NCKAP5: variants seen among roughly 807,000 people sequenced by gnomAD.
NCKAP5 encodes nck-associated protein 5.
In NCKAP5, 92 loss-of-function variants were observed where a neutral mutation model predicts 167.0. The observed-to-expected ratio is 0.55, with a 90% CI of 0.47 to 0.66. The LOEUF is 0.66. Among genes scored for constraint, NCKAP5 ranks in the 30% least tolerant of loss-of-function variants. The pLI is 0.00. For synonymous variants in NCKAP5, 891 were observed against 877.4 expected, an observed-to-expected ratio of 1.02 and a Z score of -0.27; for missense variants, 2,378 against 2,315.0, an observed-to-expected ratio of 1.03 and a Z score of -0.56.
At chr2:133,306,563 G>C (rs1208216354) in intron 3 of NCKAP5, among the ~76,000 whole-genome samples, 2 of 152,162 alleles carry the variant, frequency 1.3e-5, no homozygotes, top group Non-Finnish European at 2.9e-5. Flanking sequence ...AGCAGAATTA[G>C]ATTTTAAAAG....
At chr2:132,892,308 T>C (rs1692774432) in intron 8 of NCKAP5, among the ~76,000 whole-genome samples, 1 of 152,236 alleles carries the variant, frequency 6.6e-6, no homozygotes, top group Non-Finnish European at 1.5e-5. Flanking sequence ...ATCAACTCAA[T>C]ATTACATATC....
At chr2:132,789,180 GT>G (rs901181815) in intron 13 of NCKAP5, among the ~76,000 whole-genome samples, 5 of 152,196 alleles carry the variant, frequency 3.3e-5, no homozygotes, top group African/African-American at 1.2e-4. Context: ...AGACAAAGAG[GT>G]GTGAAAGTGA....
At chr2:133,305,954 G>A (rs1487847734) in intron 3 of NCKAP5, among the ~76,000 whole-genome samples, 1 of 152,156 alleles carries the variant, frequency 6.6e-6, no homozygotes, top group Non-Finnish European at 1.5e-5. Context: ...TATATTTTTT[G>A]TTAAGTGAAA....
intron 3 of NCKAP5, among the ~76,000 whole-genome samples, chr2:133,461,784 A>G (rs1692212791): frequency 6.6e-6 from 1 of 152,180 alleles, no homozygotes; most frequent in Non-Finnish European, 1.5e-5. Flanking sequence ...CATCCTACAT[A>G]CTACTACTAC....
At chr2:133,006,261 A>G (rs1302159295) in intron 6 of NCKAP5, among the ~76,000 whole-genome samples, 2 of 152,230 alleles carry the variant, frequency 1.3e-5, no homozygotes, top group Non-Finnish European at 2.9e-5. Flanking sequence ...TCTGTCTCAA[A>G]GAAAAAGAAA....
chr2:133,619,277 C>T, the NCKAP5 span, among the ~76,000 whole-genome samples: 4 of 87,584 alleles, frequency 4.6e-5, no homozygotes, highest in Admixed American at 3.1e-4. Flanking sequence ...GCACATTGTG[C>T]ACATGTACCC....
At chr2:132,709,761 A>G (rs563134550) in intron 19 of NCKAP5, among the ~76,000 whole-genome samples, 3 of 152,136 alleles carry the variant, frequency 2.0e-5, no homozygotes, top group Non-Finnish European at 4.4e-5. Flanking sequence ...ATTTTCTCAC[A>G]AATTCAAGGG....
chr2:133,539,160 T>G (rs1201022493), intron 2 of NCKAP5, among the ~76,000 whole-genome samples: 1 of 152,060 alleles, frequency 6.6e-6, no homozygotes, highest in African/African-American at 2.4e-5. Flanking sequence ...TAGGATGGTC[T>G]CGGTCTCCTG....
At chr2:133,043,541 A>C (rs908793603) in intron 6 of NCKAP5, among the ~76,000 whole-genome samples, 1 of 152,096 alleles carries the variant, frequency 6.6e-6, no homozygotes, top group African/African-American at 2.4e-5. Flanking sequence ...TGCAAAAAAA[A>C]CTCATTATGT....
At chr2:132,699,380 G>A (rs1687660839) in intron 19 of NCKAP5, among the ~76,000 whole-genome samples, 1 of 152,028 alleles carries the variant, frequency 6.6e-6, no homozygotes, top group Non-Finnish European at 1.5e-5. Context: ...TGCACAATGT[G>A]CAGGTTTGTT....
At chr2:133,619,313 A>G in the NCKAP5 span, among the ~76,000 whole-genome samples, 1 of 151,846 alleles carries the variant, frequency 6.6e-6, no homozygotes, top group South Asian at 2.1e-4. Context: ...ATAATAATAA[A>G]TAAAATAAAA....
At chr2:133,102,207 C>T (rs1196945790) in intron 6 of NCKAP5, among the ~76,000 whole-genome samples, 1 of 152,072 alleles carries the variant, frequency 6.6e-6, no homozygotes, top group African/African-American at 2.4e-5. Context: ...AGTGCAGTGG[C>T]ACGATCTCGG....
intron 3 of NCKAP5, among the ~76,000 whole-genome samples, chr2:133,467,595 C>T (rs900502145): frequency 2.9e-4 from 43 of 150,292 alleles, no homozygotes; most frequent in African/African-American, 8.6e-4. Context: ...GTACCAGTTC[C>T]TCCTTGTACC....
chr2:133,669,625 C>T, the NCKAP5 span, among the ~76,000 whole-genome samples: 1 of 152,148 alleles, frequency 6.6e-6, no homozygotes, highest in East Asian at 1.9e-4. Context: ...TATCACTGTT[C>T]AATGACTATA....
chr2:133,334,247 T>C (rs1013794283), intron 3 of NCKAP5, among the ~76,000 whole-genome samples: 4 of 152,140 alleles, frequency 2.6e-5, no homozygotes, highest in Non-Finnish European at 5.9e-5. Context: ...ATGATTCCTG[T>C]TTCATAGGGC....
chr2:132,795,617 G>A (rs1684515709), intron 12 of NCKAP5, among the ~76,000 whole-genome samples: 1 of 151,888 alleles, frequency 6.6e-6, no homozygotes, highest in African/African-American at 2.4e-5. Flanking sequence ...TCAGGAGTTC[G>A]AGACCAGCCT....
At chr2:133,210,132 T>G (rs1237172835) in intron 5 of NCKAP5, among the ~76,000 whole-genome samples, 1 of 146,692 alleles carries the variant, frequency 6.8e-6, no homozygotes, top group African/African-American at 2.6e-5. Context: ...GCCACTGCAC[T>G]CTAGTCTGGG....
intron 5 of NCKAP5, among the ~76,000 whole-genome samples, chr2:133,161,069 T>C (rs2083776762): frequency 6.6e-6 from 1 of 152,180 alleles, no homozygotes; most frequent in South Asian, 2.1e-4. Flanking sequence ...AGCGGCCGCA[T>C]TAGATTATCA....
chr2:132,897,714 T>A (rs1693312982), intron 8 of NCKAP5, among the ~76,000 whole-genome samples: 1 of 152,196 alleles, frequency 6.6e-6, no homozygotes, highest in Admixed American at 6.5e-5. Flanking sequence ...AGTTTCCCAG[T>A]GCATGTAAAA....
Sources: allele counts gnomAD v4.1 joint callset (sites outside exome capture counted in the v4.1 genomes callset), GRCh38; gene constraint gnomAD v4.1.1; transcripts MANE v1.5; gene names NCBI Gene and HGNC (gene_info 2026-07-23, HGNC 2026-07-21).